The following ABCB9 variants were observed in gnomAD, a reference collection of about 807,000 sequenced individuals.
ABCB9 encodes ATP binding cassette subfamily B member 9, also known as ABC-type oligopeptide transporter ABCB9.
Under a neutral mutation model 62.0 loss-of-function variants are expected in ABCB9, and 36 were observed. That is an observed-to-expected ratio of 0.58 (90% CI 0.45 to 0.77). The LOEUF (loss-of-function observed/expected upper bound fraction) is 0.77. Ranked by LOEUF, ABCB9 falls within the 30% of genes least tolerant of loss-of-function variation. The probability of loss-of-function intolerance (pLI) is 0.00; values close to 1 mark genes in which losing one functional copy is unlikely to be tolerated. For synonymous variants in ABCB9, 435 were observed against 461.4 expected (o/e 0.94, Z 0.73); for missense variants, 943 against 1,054.7 (o/e 0.89, Z 1.47).
intron 10 of ABCB9, among the ~76,000 whole-genome samples, chr12:122,934,827 G>GAA (rs58045778): frequency 6.8e-6 from 1 of 146,342 alleles, no homozygotes; most frequent in African/African-American, 2.5e-5. Context: ...CCTTTAATAG[G>GAA]AAAAAAAAAA....
In ABCB9 at chr12:122,959,688, G is replaced by A. The variant is rs1440688462; in HGVS notation, c.548C>T (p.Pro183Leu). The A allele has an allele frequency of 6.3e-7, 1 of 1,595,242 alleles. No homozygotes were observed. Residue 183 changes from proline (P) to leucine (L), a missense_variant, in exon 2 of 12, where the codon CCC (proline) becomes CTC (leucine). By Grantham distance (98) the Pro-to-Leu change is moderately conservative. Coordinates refer to ENST00000280560, the MANE Select transcript of ABCB9 (RefSeq NM_019625.4). The surrounding 1 kb of genome is among the most constrained non-coding windows in gnomAD (Gnocchi z 5.4). Reference sequence around the variant, plus strand: ...GGCGGCCACGAGGAAGGCCACGTCGGGCTTGGTGTAGGAGAGCAGCTTCTG... The same window carrying A: ...GGCGGCCACGAGGAAGGCCACGTCGAGCTTGGTGTAGGAGAGCAGCTTCTG... ...TLQKLLSYTK[P>L]DVAFLVAASF...
At chr12:122,924,463 CAA>C, downstream of ABCB9, 1 of 489,238 alleles carries the variant, frequency 2.0e-6, no homozygotes, top group East Asian at 6.1e-5. Context: ...CTCGTGGACT[CAA>C]GTGATCCTCC....
At chr12:122,931,258 C>CA (rs1377576738) in intron 11 of ABCB9, 2 of 151,654 alleles carry the variant, frequency 1.3e-5, no homozygotes, top group African/African-American at 4.9e-5. Context: ...CTCCTGACCT[C>CA]AGGTGATCCA....
intron 6 of ABCB9, among the ~76,000 whole-genome samples, chr12:122,945,114 C>A (rs1231723348): frequency 1.3e-5 from 2 of 152,318 alleles, no homozygotes; most frequent in Non-Finnish European, 2.9e-5. Context: ...TGCAAAGGCA[C>A]CCCCTGCCAG....
downstream of ABCB9, among the ~76,000 whole-genome samples, chr12:122,925,743 G>A (rs1047931314): frequency 2.6e-5 from 4 of 152,064 alleles, no homozygotes; most frequent in African/African-American, 4.8e-5. Context: ...GCGAGACTCC[G>A]TCTCAAACAA....
rs769044559 is a variant in ABCB9, at chr12:122,940,104, C to T, written c.1743+7G>A. The T allele has an allele frequency of 2.5e-6, 4 of 1,608,040 alleles. No homozygotes were observed. The highest frequency in any genetic ancestry group is 3.4e-6 in the Non-Finnish European group (4 of 1,177,522). On this transcript the variant is annotated splice_region_variant and intron_variant, in intron 9 of 11. Coordinates refer to ENST00000280560, the MANE Select transcript of ABCB9 (RefSeq NM_019625.4). This position sits in a 1 kb window ranked among gnomAD's most constrained non-coding sequence, Gnocchi z 4.8. ...CGGAGAAGTGTGGCCCAGGCCCGTG[C>T]ACATACCACACGGTGCAAGTACTTG...
intron 9 of ABCB9, among the ~76,000 whole-genome samples, chr12:122,938,586 T>A (rs372018944): frequency 6.6e-6 from 1 of 151,270 alleles, no homozygotes; most frequent in Admixed American, 6.6e-5. Flanking sequence ...CCCAGCACTT[T>A]GGGAGGCCGA....
intron 9 of ABCB9, among the ~76,000 whole-genome samples, 186 bp from the exon 10 acceptor site, chr12:122,935,617 C>T (rs1217587206): frequency 6.6e-6 from 1 of 152,182 alleles, no homozygotes; most frequent in Non-Finnish European, 1.5e-5. Context: ...TACCCACAAG[C>T]CCTCAGCCTC....
At chr12:122,955,540 G>A (rs573675620) in intron 2 of ABCB9, among the ~76,000 whole-genome samples, 2 of 152,330 alleles carry the variant, frequency 1.3e-5, no homozygotes, top group Admixed American at 1.3e-4. Context: ...GGACCTGGGA[G>A]GGGAGGCAGG....
chr12:122,956,514 T>A (rs559653623), intron 2 of ABCB9, among the ~76,000 whole-genome samples: 1 of 152,188 alleles, frequency 6.6e-6, no homozygotes, highest in Non-Finnish European at 1.5e-5. Flanking sequence ...ATTTTTATTT[T>A]ACTATTTTAT....
At chr12:122,951,174 C>T (rs1036894548) in intron 2 of ABCB9, among the ~76,000 whole-genome samples, 4 of 151,652 alleles carry the variant, frequency 2.6e-5, no homozygotes, top group Non-Finnish European at 5.9e-5. Context: ...TGGAGCAGGC[C>T]CTGGAATCAC....
At chr12:122,958,025 C>A (rs1224146654) in intron 2 of ABCB9, among the ~76,000 whole-genome samples, 1 of 151,124 alleles carries the variant, frequency 6.6e-6, no homozygotes, top group Non-Finnish European at 1.5e-5. Flanking sequence ...CAAAAATTAG[C>A]CAGACGTGGT....
At chr12:122,950,047 C>T (rs1021035284) in intron 3 of ABCB9, 129 bp from the exon 4 acceptor site, 19 of 1,286,590 alleles carry the variant, frequency 1.5e-5, no homozygotes, top group African/African-American at 7.3e-5. Context: ...GGCATCCCTG[C>T]GGGGTCCCCC....
intron 2 of ABCB9, among the ~76,000 whole-genome samples, chr12:122,953,451 G>A (rs1286200065): frequency 6.6e-6 from 1 of 152,078 alleles, no homozygotes; most frequent in African/African-American, 2.4e-5. Flanking sequence ...GTATTGGCAC[G>A]ATTTCAGCTC....
At position 122,935,441 on chromosome 12, in the gene ABCB9, A is replaced by G. The variant is rs939374753; in HGVS notation, c.1744-10T>C. ...GGCTCACCAGGGAGATCTGGGGAGG[A>G]GGGAGCATGGAGCATGAGAGGCCAG... On this transcript the variant is annotated splice_polypyrimidine_tract_variant and intron_variant, in intron 9 of 11. Coordinates refer to ENST00000280560, the MANE Select transcript of ABCB9 (RefSeq NM_019625.4). The G allele has an allele frequency of 4.3e-6, 7 of 1,611,716 alleles. No individual in the cohort carries two copies. The highest frequency in any genetic ancestry group is 5.9e-6 in the Non-Finnish European group (7 of 1,178,932).
At chr12:122,972,842 TATACAC>T (rs2037294585) in intron 1 of ABCB9, 1 of 152,144 alleles carries the variant, frequency 6.6e-6, no homozygotes, top group Non-Finnish European at 1.5e-5. Context: ...TATGTGTAAA[TATACAC>T]ATATACAGAC....
At chr12:122,923,359 C>T (rs940369575) in intron 11 of ABCB9, among the ~76,000 whole-genome samples, 1 of 152,222 alleles carries the variant, frequency 6.6e-6, no homozygotes, top group African/African-American at 2.4e-5. Flanking sequence ...GCGACCTCCA[C>T]GCACTGCAAG....
At position 122,940,551 on chromosome 12, in the gene ABCB9, CCT is replaced by C. The variant is rs2035702568; in HGVS notation, c.1569+254_1569+255del. 6.6e-6 allele frequency among the ~76,000 whole-genome samples: 1 copy of C among 152,170 alleles called. No individual in the cohort carries two copies. Among genetic ancestry groups the C allele is most frequent in the Non-Finnish European group, 1.5e-5 (1 of 68,026 alleles). On this transcript the variant is annotated intron_variant, in intron 8 of 11. Transcript: ENST00000280560. This position sits in a 1 kb window ranked among gnomAD's most constrained non-coding sequence, Gnocchi z 4.8. ...TCAAATGTCACCTCCTCCAAGAACCCCTTCTTGACTGTTACCACCATTCCCAT... is the reference window on the plus strand; with the variant it reads ...TCAAATGTCACCTCCTCCAAGAACCCTCTTGACTGTTACCACCATTCCCAT...
intron 11 of ABCB9, among the ~76,000 whole-genome samples, chr12:122,923,979 G>A (rs554023343): frequency 6.6e-5 from 10 of 152,254 alleles, no homozygotes; most frequent in South Asian, 2.1e-4. Context: ...GCTCTGCCTC[G>A]CAAGGTGCTT....
Sources: gnomAD v4.1 joint callset for allele counts (sites outside exome capture counted in the v4.1 genomes callset) on GRCh38, gnomAD v4.1.1 for gene constraint, Gnocchi (gnomAD v3.1) non-coding constraint, MANE v1.5 for transcripts, NCBI Gene and HGNC (gene_info 2026-07-23, HGNC 2026-07-21) for gene names.